The following CHD9 variants were observed in gnomAD, a reference collection of about 807,000 sequenced individuals.
CHD9 encodes the protein chromodomain helicase DNA binding protein 9.
A neutral mutation model predicts 316.1 loss-of-function variants in CHD9; 77 were observed. That is an observed-to-expected ratio of 0.24 (90% CI 0.20 to 0.29). The LOEUF is 0.29. Among genes scored for constraint, CHD9 ranks in the 10% least tolerant of loss-of-function variants. CHD9 has a pLI of 1.00. For missense variants in CHD9, 2,763 were observed against 3,438.1 expected (o/e 0.80, Z 4.91); for synonymous variants, 1,129 against 1,158.3 (o/e 0.97, Z 0.51).
chr16:53,214,915 CTTTT>C (rs71143973), intron 3 of CHD9, among the ~76,000 whole-genome samples: 1 of 123,388 alleles, frequency 8.1e-6, no homozygotes. Flanking sequence ...CAATATATAT[CTTTT>C]TTTTTTTTTT....
intron 1 of CHD9, among the ~76,000 whole-genome samples, chr16:53,131,479 C>T (rs2039304798): frequency 6.8e-6 from 1 of 148,052 alleles, no homozygotes; most frequent in Non-Finnish European, 1.5e-5. Flanking sequence ...GCGGCCCAGC[C>T]CGCCCGCGGC....
chr16:53,211,383 G>A (rs2152876202), intron 3 of CHD9, among the ~76,000 whole-genome samples: 1 of 152,216 alleles, frequency 6.6e-6, no homozygotes, highest in African/African-American at 2.4e-5. Flanking sequence ...GCGGAGTACT[G>A]ACTAGTTTTG....
At position 53,253,768 on chromosome 16, in the gene CHD9, A is replaced by G. The variant is rs1034987616; in HGVS notation, c.3862-670A>G. ...GAGCCCAGGAGTTCGATTGGGCAACATAGCAAGTCCCCATGTCTAAAAAAA... is the reference window on the plus strand; with the variant it reads ...GAGCCCAGGAGTTCGATTGGGCAACGTAGCAAGTCCCCATGTCTAAAAAAA... On this transcript the variant is annotated intron_variant, in intron 17 of 38. Coordinates refer to ENST00000447540, the MANE Select transcript of CHD9 (RefSeq NM_001308319.2). Among the ~76,000 whole-genome samples, 17 of 152,306 alleles carry G rather than the reference A, an allele frequency of 1.1e-4. No individual in the cohort carries two copies. The South Asian group carries it at 3.5e-3, about 32-fold the overall frequency.
chr16:53,275,932 G>A (rs142094378), intron 24 of CHD9, among the ~76,000 whole-genome samples: 1 of 151,966 alleles, frequency 6.6e-6, no homozygotes, highest in Non-Finnish European at 1.5e-5. Flanking sequence ...TAATCACCTG[G>A]TCATACAGTT....
At chr16:53,287,749 GA>G (rs1433123409) in intron 26 of CHD9, among the ~76,000 whole-genome samples, 5 of 152,064 alleles carry the variant, frequency 3.3e-5, no homozygotes, top group African/African-American at 1.2e-4. Context: ...AAATAAAAGT[GA>G]ACTTGTGAGT....
In CHD9 at chr16:53,245,010, G is replaced by A. The variant is rs2049454183; in HGVS notation, c.3055-326G>A. On this transcript the variant is annotated intron_variant, in intron 13 of 38. Transcript: ENST00000447540. The surrounding 1 kb of genome is among the most constrained non-coding windows in gnomAD (Gnocchi z 4.1). ...GCATACCTGTAGTCCTAGCTACTCG[G>A]GAGTCTGAGGCAGGAGGATCCCTTA... Among the ~76,000 whole-genome samples the A allele has an allele frequency of 6.6e-6, 1 of 151,912 alleles. No homozygotes were observed. Among genetic ancestry groups the A allele is most frequent in the South Asian group, 2.1e-4 (1 of 4,812 alleles).
At chr16:53,208,306 C>A in intron 2 of CHD9, 1 of 1,279,180 alleles carries the variant, frequency 7.8e-7, no homozygotes, top group Non-Finnish European at 1.0e-6. Flanking sequence ...AAGCCTTTGT[C>A]TGACGCCAAA....
In CHD9 at chr16:53,229,009, C is replaced by T. The variant is rs2152922297; in HGVS notation, c.2195C>T (p.Thr732Ile). Residue 732 changes from threonine (T) to isoleucine (I), a missense_variant, in exon 8 of 39, where the codon ACA becomes ATA. Physicochemically the swap from Thr to Ile is moderately conservative, Grantham distance 89 (BLOSUM62 -1). This residue lies in a region of CHD9 where 859 missense variants were observed against 890.4 expected (regional missense o/e 0.96). Transcript: ENST00000447540. ...TCCTATCTTCACTGTGAGTGGGCCA[C>T]AGAAGAGCAGCTTTTGAAAGATAAA... is the stretch of plus-strand genomic sequence containing the variant. Reference protein sequence around the residue: ...NYSYLHCEWATEEQLLKDKRI... With the variant: ...NYSYLHCEWAIEEQLLKDKRI... The T allele has an allele frequency of 6.3e-7, 1 of 1,586,684 alleles. No homozygotes were observed. The highest frequency in any genetic ancestry group is 8.6e-7 in the Non-Finnish European group (1 of 1,165,408).
At position 53,156,362 on chromosome 16, in the gene CHD9, A is replaced by G. The variant is rs1339322479; in HGVS notation, c.273A>G (p.Glu91=). 6.2e-7 allele frequency: 1 copy of G among 1,613,872 alleles called. No individual in the cohort carries two copies. Among genetic ancestry groups the G allele is most frequent in the African/African-American group, 1.3e-5 (1 of 74,918 alleles). The change falls in exon 2 of 39, where the codon GAA becomes GAG. Residue 91 remains glutamate (E), a synonymous_variant. Transcript: ENST00000447540. Reference sequence around the variant, plus strand: ...ATCAATCTTTTGGTAGCCCAGCTGAACATGTGTTATCTCCACACTCTCAGT... The same window carrying G: ...ATCAATCTTTTGGTAGCCCAGCTGAGCATGTGTTATCTCCACACTCTCAGT... The part of the protein sequence containing the change: ...HVNQSFGSPA[E]HVLSPHSQFN...
At chr16:53,194,192 C>G (rs2044701181) in intron 2 of CHD9, among the ~76,000 whole-genome samples, 2 of 151,586 alleles carry the variant, frequency 1.3e-5, no homozygotes, top group Admixed American at 1.3e-4. Context: ...TGCCACTGCA[C>G]TTCAGCCTGG....
intron 3 of CHD9, among the ~76,000 whole-genome samples, chr16:53,221,667 A>C (rs2047245811): frequency 6.6e-6 from 1 of 152,210 alleles, no homozygotes; most frequent in South Asian, 2.1e-4. Context: ...ATATATAAAC[A>C]TACATATATG....
At chr16:53,319,109 C>T (rs1598009202) in intron 37 of CHD9, among the ~76,000 whole-genome samples, 1 of 152,162 alleles carries the variant, frequency 6.6e-6, no homozygotes, top group Non-Finnish European at 1.5e-5. Flanking sequence ...TCTTTTACCT[C>T]ACAAAATAAA....
At position 53,304,538 on chromosome 16, in the gene CHD9, TCCTCTTCCTCCA is replaced by T. The variant is rs1200032938; in HGVS notation, c.6544_6555del (p.Thr2182_Ser2185del). 12 of 1,545,798 alleles carry T rather than the reference TCCTCTTCCTCCA, an allele frequency of 7.8e-6. No homozygotes were observed. The highest frequency in any genetic ancestry group is 1.4e-5 in the African/African-American group (1 of 72,908). On this transcript the variant is annotated inframe_deletion, in exon 31 of 39. Transcript: ENST00000447540. ...ATCTTGTTCTTCAGCATCTTCTTCATCCTCTTCCTCCACCTCTTCCTCCTCCTCCTCCTCTTC... is the reference window on the plus strand; with the variant it reads ...ATCTTGTTCTTCAGCATCTTCTTCATCCTCTTCCTCCTCCTCCTCCTCTTC...
At chr16:53,062,800 G>A (rs13336871) in intron 1 of CHD9, among the ~76,000 whole-genome samples, 5,818 of 152,272 alleles carry the variant, frequency 0.038, 102 homozygotes, top group East Asian at 0.057. Flanking sequence ...GGAGGCCAAG[G>A]AGGGCTGATC....
At chr16:53,069,422 A>T (rs2033813418) in intron 1 of CHD9, among the ~76,000 whole-genome samples, 1 of 151,222 alleles carries the variant, frequency 6.6e-6, no homozygotes, top group South Asian at 2.1e-4. Flanking sequence ...CCATTAAACA[A>T]CTCCCCTTCC....
At chr16:53,085,364 T>A (rs1339810721) in intron 1 of CHD9, among the ~76,000 whole-genome samples, 1 of 152,044 alleles carries the variant, frequency 6.6e-6, no homozygotes. Context: ...CTGCCTTTGA[T>A]CATCTTACCC....
chr16:53,082,831 T>C (rs1024009006), intron 1 of CHD9, among the ~76,000 whole-genome samples: 2 of 152,222 alleles, frequency 1.3e-5, no homozygotes, highest in Admixed American at 6.5e-5. Flanking sequence ...GACTCCCTTC[T>C]TCCAGGATAC....
intron 1 of CHD9, among the ~76,000 whole-genome samples, chr16:53,101,126 C>A (rs1477996995): frequency 1.3e-5 from 2 of 152,114 alleles, no homozygotes; most frequent in African/African-American, 4.8e-5. Context: ...CAAGCAGCCC[C>A]ACATAGCTTG....
chr16:53,073,577 C>G (rs1185133461), intron 1 of CHD9, among the ~76,000 whole-genome samples: 1 of 152,166 alleles, frequency 6.6e-6, no homozygotes, highest in Non-Finnish European at 1.5e-5. Flanking sequence ...AACTGTATTC[C>G]CATAATTCCC....
Sources: gnomAD v4.1 joint callset for allele counts (sites outside exome capture counted in the v4.1 genomes callset) on GRCh38, gnomAD v4.1.1 for gene constraint, gnomAD v4.1.1 regional missense constraint, Gnocchi (gnomAD v3.1) non-coding constraint, MANE v1.5 for transcripts, NCBI Gene and HGNC (gene_info 2026-07-23, HGNC 2026-07-21) for gene names.